The following LIMK2 variants were observed in gnomAD, a reference collection of about 807,000 sequenced individuals.
LIMK2 encodes LIM domain kinase 2.
A neutral mutation model predicts 75.7 loss-of-function variants in LIMK2; 35 were observed. The observed-to-expected ratio is 0.46, with a 90% CI of 0.35 to 0.61. LIMK2 has a LOEUF of 0.61. LIMK2 is among the 20% of genes least tolerant of loss of function. The pLI is 0.00. For missense variants in LIMK2, 623 were observed against 831.0 expected (o/e 0.75, Z 3.08); for synonymous variants, 301 against 319.2 (o/e 0.94, Z 0.61).
chr22:31,216,047 G>A (rs1262865634), intron 1 of LIMK2, among the ~76,000 whole-genome samples: 1 of 152,212 alleles, frequency 6.6e-6, no homozygotes, highest in Admixed American at 6.5e-5. Flanking sequence ...GCAAGTAAAT[G>A]TATGAACATC....
chr22:31,250,315 A>G (rs1380323490), intron 2 of LIMK2, among the ~76,000 whole-genome samples: 2 of 152,198 alleles, frequency 1.3e-5, no homozygotes, highest in Non-Finnish European at 2.9e-5. Context: ...TTTAGGAGCC[A>G]GGAACTATAC....
chr22:31,225,652 A>G (rs2048470672), intron 1 of LIMK2, 68 bp from the exon 2 acceptor site: 34 of 1,141,954 alleles, frequency 3.0e-5, no homozygotes, highest in Non-Finnish European at 4.4e-5. Context: ...CTTATTCTAC[A>G]TGGTAGGAAT....
chr22:31,255,898 G>A (rs1409378801), intron 2 of LIMK2, among the ~76,000 whole-genome samples: 1 of 148,956 alleles, frequency 6.7e-6, no homozygotes, highest in Non-Finnish European at 1.5e-5. Context: ...GACAGTAAGT[G>A]GCTGATAAAG....
intron 11 of LIMK2, among the ~76,000 whole-genome samples, chr22:31,269,970 G>A (rs1054237529): frequency 1.3e-5 from 2 of 150,646 alleles, no homozygotes; most frequent in African/African-American, 5.0e-5. Flanking sequence ...GGGAACAGGA[G>A]GAGGAGGAGG....
At chr22:31,225,892 C>T (rs2048473401) in intron 2 of LIMK2, 73 bp downstream of exon 2, 1 of 1,108,034 alleles carries the variant, frequency 9.0e-7, no homozygotes, top group African/African-American at 1.6e-5. Context: ...TGATGGAAAA[C>T]ACAGAAACAA....
intron 12 of LIMK2, among the ~76,000 whole-genome samples, chr22:31,271,811 C>T (rs935388188): frequency 6.6e-6 from 1 of 152,230 alleles, no homozygotes; most frequent in Admixed American, 6.5e-5. Context: ...CCATCTACTG[C>T]CTCCACCTTG....
chr22:31,254,457 T>A (rs1329140947), intron 2 of LIMK2, among the ~76,000 whole-genome samples: 1 of 152,210 alleles, frequency 6.6e-6, no homozygotes, highest in Non-Finnish European at 1.5e-5. Flanking sequence ...TTGTTAAGGC[T>A]TTGCTCTTCC....
chr22:31,245,029 G>A (rs1568990158), intron 2 of LIMK2, among the ~76,000 whole-genome samples: 1 of 152,214 alleles, frequency 6.6e-6, no homozygotes, highest in African/African-American at 2.4e-5. Context: ...GGAATAGTGG[G>A]GGTTAAAATT....
In LIMK2 at chr22:31,278,380, TGGA is replaced by T. The variant is rs2049053538; in HGVS notation, c.1861_1863del (p.Glu621del). The T allele has an allele frequency of 6.2e-7, 1 of 1,613,958 alleles. No individual in the cohort carries two copies. Among genetic ancestry groups the T allele is most frequent in the Non-Finnish European group, 8.5e-7 (1 of 1,179,936 alleles). ...CTGGGCATCCCGCTGCCTGCAGAGC[TGGA>T]GGAGTTGGACCACACTGTGAGCATG... On this transcript the variant is annotated inframe_deletion, in exon 16 of 16. Coordinates refer to ENST00000331728, the MANE Select transcript of LIMK2 (RefSeq NM_005569.4).
chr22:31,257,088 T>TA (rs1460670581), intron 2 of LIMK2, among the ~76,000 whole-genome samples: 1 of 138,184 alleles, frequency 7.2e-6, no homozygotes. Context: ...GACGGGGTCT[T>TA]ACTATGTTGC....
chr22:31,269,575 C>A (rs921474536), intron 11 of LIMK2, among the ~76,000 whole-genome samples: 13 of 151,804 alleles, frequency 8.6e-5, no homozygotes, highest in African/African-American at 2.9e-4. Flanking sequence ...TTGAGACCAG[C>A]CTGGCCAACT....
chr22:31,232,593 C>T (rs754772944), intron 2 of LIMK2, among the ~76,000 whole-genome samples: 1 of 152,056 alleles, frequency 6.6e-6, no homozygotes, highest in Non-Finnish European at 1.5e-5. Flanking sequence ...CTAGCCTGGC[C>T]TCTTAATTAA....
chr22:31,243,794 A>C (rs934327131), intron 2 of LIMK2, among the ~76,000 whole-genome samples: 6 of 152,202 alleles, frequency 3.9e-5, no homozygotes, highest in Non-Finnish European at 8.8e-5. Context: ...CCAGTTTCCA[A>C]GGGTGGGAGG....
chr22:31,277,063 C>G (rs780120930), intron 15 of LIMK2: 3 of 1,613,840 alleles, frequency 1.9e-6, no homozygotes, highest in African/African-American at 1.3e-5. Context: ...CTGTTACAAA[C>G]CCACAGAGGC....
At chr22:31,228,792 T>C (rs2048500339) in intron 2 of LIMK2, among the ~76,000 whole-genome samples, 1 of 151,174 alleles carries the variant, frequency 6.6e-6, no homozygotes, top group Non-Finnish European at 1.5e-5. Flanking sequence ...AATACAAAAA[T>C]ATTAGCCAGG....
chr22:31,250,741 C>A (rs575288878), intron 2 of LIMK2, among the ~76,000 whole-genome samples: 1 of 152,258 alleles, frequency 6.6e-6, no homozygotes, highest in East Asian at 1.9e-4. Flanking sequence ...GCCATTAGCC[C>A]CTCCCTCTTT....
intron 2 of LIMK2, among the ~76,000 whole-genome samples, chr22:31,257,040 ATTTTTTTTTTTTTTTTTT>A (rs529919320): frequency 0.36 from 27,199 of 75,698 alleles, 4,842 homozygotes; most frequent in African/African-American, 0.54. Context: ...GGAGCTATAG[ATTTTTTTTTTTTTTTTTT>A]TTTTTTTTTT....
intron 2 of LIMK2, among the ~76,000 whole-genome samples, chr22:31,253,314 A>G (rs1165531020): frequency 2.0e-5 from 3 of 152,232 alleles, no homozygotes; most frequent in Non-Finnish European, 4.4e-5. Flanking sequence ...AAGGTAGAAA[A>G]ACAGCCTTGG....
At chr22:31,247,875 T>C (rs894725896) in intron 2 of LIMK2, among the ~76,000 whole-genome samples, 2 of 152,082 alleles carry the variant, frequency 1.3e-5, no homozygotes, top group African/African-American at 2.4e-5. Flanking sequence ...GCACCTCCCA[T>C]TGGTCAGCTC....
Sources: gnomAD v4.1 joint callset for allele counts (sites outside exome capture counted in the v4.1 genomes callset) on GRCh38, gnomAD v4.1.1 for gene constraint, MANE v1.5 for transcripts, NCBI Gene and HGNC (gene_info 2026-07-23, HGNC 2026-07-21) for gene names.